TCF7L1: variants seen among roughly 807,000 people sequenced by gnomAD.
TCF7L1 encodes the protein transcription factor 7-like 1.
Under a neutral mutation model 63.7 loss-of-function variants are expected in TCF7L1, and 18 were observed. The observed-to-expected ratio is 0.28, with a 90% confidence interval of 0.20 to 0.42. The LOEUF (loss-of-function observed/expected upper bound fraction) is 0.42, where lower values mean the gene tolerates loss of function less well. Among genes scored for constraint, TCF7L1 ranks in the 10% least tolerant of loss-of-function variants. The probability of loss-of-function intolerance (pLI) is 1.00; values close to 1 mark genes in which losing one functional copy is unlikely to be tolerated. For missense variants in TCF7L1, 654 were observed against 779.3 expected, an observed-to-expected ratio of 0.84 and a Z score of 1.91; for synonymous variants, 355 against 340.9, an observed-to-expected ratio of 1.04 and a Z score of -0.46.
At chr2:85,301,323 G>A (rs534487816) in intron 4 of TCF7L1, among the ~76,000 whole-genome samples, 1 of 152,282 alleles carries the variant, frequency 6.6e-6, no homozygotes, top group South Asian at 2.1e-4. Flanking sequence ...TTTCTGGGCT[G>A]TTCCCTCATC....
chr2:85,245,594 C>T (rs1223676961), intron 3 of TCF7L1, among the ~76,000 whole-genome samples: 6 of 152,070 alleles, frequency 3.9e-5, no homozygotes, highest in Admixed American at 1.3e-4. Flanking sequence ...GGGCAGATCA[C>T]GAGGTCAGGA....
At chr2:85,140,468 C>A (rs1185556520) in intron 3 of TCF7L1, among the ~76,000 whole-genome samples, 2 of 86,666 alleles carry the variant, frequency 2.3e-5, no homozygotes, top group East Asian at 1.7e-3. Context: ...GGACTCCCCT[C>A]CCCCTTTCTT....
At chr2:85,174,089 T>A (rs1678621554) in intron 3 of TCF7L1, among the ~76,000 whole-genome samples, 1 of 152,152 alleles carries the variant, frequency 6.6e-6, no homozygotes. Context: ...ATTCACAGGA[T>A]TGTGCAACCA....
intron 3 of TCF7L1, among the ~76,000 whole-genome samples, chr2:85,192,651 G>A (rs917507407): frequency 6.6e-6 from 1 of 151,590 alleles, no homozygotes; most frequent in Non-Finnish European, 1.5e-5. Context: ...CCAGAGTGCT[G>A]GGATTACACG....
chr2:85,223,872 T>C (rs942366161), intron 3 of TCF7L1, among the ~76,000 whole-genome samples: 15 of 152,172 alleles, frequency 9.9e-5, no homozygotes, highest in Admixed American at 9.2e-4. Context: ...ATGTGCCATA[T>C]TGGTTTGCTG....
chr2:85,181,436 G>A lies in TCF7L1; in HGVS notation c.441+46986G>A, dbSNP rs147408217. 5.4e-3 allele frequency among the ~76,000 whole-genome samples: 823 copies of A among 152,294 alleles called. 2 individuals carry two copies. Among genetic ancestry groups the A allele is most frequent in the Non-Finnish European group, 8.1e-3 (554 of 68,012 alleles). ...GTGCCTCCCTGCTGGGCATGGGCCC[G>A]CCTGCTGGGGGCAGCAGCAAAAGGA... On this transcript the variant is annotated intron_variant, in intron 3 of 11. Transcript: ENST00000282111.
chr2:85,215,540 C>T (rs1159213040), intron 3 of TCF7L1, among the ~76,000 whole-genome samples: 3 of 152,126 alleles, frequency 2.0e-5, no homozygotes, highest in Admixed American at 6.5e-5. Context: ...GGAACATGGT[C>T]GAGTTGGCCA....
intron 3 of TCF7L1, among the ~76,000 whole-genome samples, chr2:85,275,070 G>T (rs1016939925): frequency 3.3e-5 from 5 of 152,232 alleles, no homozygotes; most frequent in African/African-American, 1.2e-4. Context: ...TAGGACCCCT[G>T]ATTCCGTATT....
chr2:85,263,319 A>G (rs1168704202), intron 3 of TCF7L1, among the ~76,000 whole-genome samples: 354 of 96,352 alleles, frequency 3.7e-3, no homozygotes, highest in Middle Eastern at 9.0e-3. Context: ...GGTAGGGTGG[A>G]GGGGGGGAAG....
Position 85,302,515 on chromosome 2 carries a change from A to G in TCF7L1, c.557A>G (p.His186Arg). 1 of 1,614,146 alleles carries G rather than the reference A, an allele frequency of 6.2e-7. No individual in the cohort carries two copies. The highest frequency in any genetic ancestry group is 1.3e-5 in the African/African-American group (1 of 75,034). The change falls in exon 5 of 12, where the codon CAT (histidine) becomes CGT (arginine). Residue 186 changes from histidine (H) to arginine (R), a missense_variant. Coordinates refer to ENST00000282111, the MANE Select transcript of TCF7L1 (RefSeq NM_031283.3). ...SNKVPVVQHP[H>R]HMHPLTPLIT... is the part of the protein sequence containing the mutation. ...AAAGTTCCTGTCGTTCAGCACCCGC[A>G]TCACATGCATCCGCTGACTCCCCTC...
chr2:85,243,874 G>A (rs944304641), intron 3 of TCF7L1, among the ~76,000 whole-genome samples: 5 of 152,206 alleles, frequency 3.3e-5, no homozygotes, highest in Non-Finnish European at 1.5e-5. Context: ...ATTGTGAACA[G>A]CACCCCCTGG....
At chr2:85,248,274 C>T (rs6752527) in intron 3 of TCF7L1, among the ~76,000 whole-genome samples, 36,680 of 151,988 alleles carry the variant, frequency 0.24, 4,599 homozygotes, top group Non-Finnish European at 0.28. Context: ...TTGGGACTGG[C>T]GTTTCTTCAA....
In TCF7L1 at chr2:85,291,772, T is replaced by C. The variant is rs139768183; in HGVS notation, c.525+8194T>C. Among the ~76,000 whole-genome samples, 508 of 152,250 alleles carry C rather than the reference T, an allele frequency of 3.3e-3. 2 individuals carry two copies. The highest frequency in any genetic ancestry group is 0.012 in the African/African-American group (489 of 41,528). On this transcript the variant is annotated intron_variant, in intron 4 of 11. Coordinates refer to ENST00000282111, the MANE Select transcript of TCF7L1 (RefSeq NM_031283.3). ...CTCTGTCACCTAGGCTGTAGTGCAG[T>C]GGCATGATCATAGCTCACTGCAGCC...
chr2:85,144,295 A>G (rs1015389709), intron 3 of TCF7L1, among the ~76,000 whole-genome samples: 2 of 152,090 alleles, frequency 1.3e-5, no homozygotes, highest in Admixed American at 6.6e-5. Context: ...GGAAATACAT[A>G]CTAGGCTGCA....
chr2:85,258,723 T>C (rs1434662807), intron 3 of TCF7L1, among the ~76,000 whole-genome samples: 6 of 152,172 alleles, frequency 3.9e-5, no homozygotes, highest in Non-Finnish European at 8.8e-5. Context: ...GCATCTATGT[T>C]CTTGTCCCAA....
intron 3 of TCF7L1, among the ~76,000 whole-genome samples, chr2:85,234,136 T>C (rs972085142): frequency 8.0e-5 from 11 of 137,460 alleles, no homozygotes; most frequent in Admixed American, 2.1e-4. Flanking sequence ...CTTTTCTTTT[T>C]TTTTTTTTTT....
intron 3 of TCF7L1, among the ~76,000 whole-genome samples, chr2:85,227,861 G>A (rs141582213): frequency 0.029 from 4,361 of 151,788 alleles, 86 homozygotes; most frequent in Non-Finnish European, 0.042. Context: ...GCGTGGTGCC[G>A]TGCACCTGTA....
intron 3 of TCF7L1, among the ~76,000 whole-genome samples, chr2:85,241,144 A>C (rs1331900108): frequency 6.6e-6 from 1 of 152,210 alleles, no homozygotes; most frequent in Non-Finnish European, 1.5e-5. Context: ...GGCCCGCCCA[A>C]GGTCACCCTT....
At chr2:85,298,703 A>G (rs1681892268) in intron 4 of TCF7L1, among the ~76,000 whole-genome samples, 1 of 151,624 alleles carries the variant, frequency 6.6e-6, no homozygotes, top group African/African-American at 2.4e-5. Flanking sequence ...CTTCCTGGCC[A>G]TGCACACCCA....
Sources: gnomAD v4.1 joint callset for allele counts (sites outside exome capture counted in the v4.1 genomes callset) on GRCh38, gnomAD v4.1.1 for gene constraint, MANE v1.5 for transcripts, NCBI Gene and HGNC (gene_info 2026-07-23, HGNC 2026-07-21) for gene names.